PITPNM2: variants seen among roughly 807,000 people sequenced by gnomAD.
The protein encoded by PITPNM2 is phosphatidylinositol transfer protein membrane associated 2.
A neutral mutation model predicts 132.2 loss-of-function variants in PITPNM2; 35 were observed. The ratio of observed to expected loss-of-function variants is 0.26; its 90% CI spans 0.20 to 0.35. The LOEUF (loss-of-function observed/expected upper bound fraction) is 0.35. PITPNM2 is among the 10% of genes least tolerant of loss of function. The pLI, the probability that PITPNM2 is intolerant of heterozygous loss-of-function variation, is 1.00. For synonymous variants in PITPNM2, 738 were observed against 799.2 expected (o/e 0.92, Z 1.29); for missense variants, 1,332 against 1,912.0 (o/e 0.70, Z 5.66).
intron 5 of PITPNM2, 75 bp from the exon 6 acceptor site, chr12:123,010,152 C>T (rs775654690): frequency 2.4e-6 from 3 of 1,253,160 alleles, no homozygotes; most frequent in Non-Finnish European, 2.3e-6. Flanking sequence ...TGTTCCTCCA[C>T]CCCCAAATCC....
At chr12:123,011,698 G>C (rs916764439) in intron 5 of PITPNM2, among the ~76,000 whole-genome samples, 1 of 152,172 alleles carries the variant, frequency 6.6e-6, no homozygotes, top group Non-Finnish European at 1.5e-5. Context: ...ACCATGTGAC[G>C]AACGAGGCAG....
At chr12:123,018,293 C>CTTTTTTTTTTTTTT (rs3085478) in intron 3 of PITPNM2, among the ~76,000 whole-genome samples, 7 of 126,320 alleles carry the variant, frequency 5.5e-5, no homozygotes, top group African/African-American at 2.2e-4. Flanking sequence ...TTTTTCTTTT[C>CTTTTTTTTTTTTTT]TTTTTTTTTT....
rs117291448 is a variant in PITPNM2 at position 122,985,928 on chromosome 12, C to T, written c.*99G>A. On this transcript the variant is annotated 3_prime_UTR_variant, in exon 26 of 26. Transcript: ENST00000320201. ...CTCCACAAGGCCCTGGGACAATCTCCCAGGCCCACGTCAGTGCGTGTGCCC... is the reference window on the plus strand; with the variant it reads ...CTCCACAAGGCCCTGGGACAATCTCTCAGGCCCACGTCAGTGCGTGTGCCC... The T allele has an allele frequency of 6.1e-4, 704 of 1,151,684 alleles. 7 individuals carry two copies. The East Asian group carries it at 0.022, about 35-fold the overall frequency. The allele number at this position is 1,151,684 out of a possible 1,614,324, so 71.3% of individuals were successfully genotyped here.
At chr12:122,998,662 C>T (rs1182987061) in intron 10 of PITPNM2, among the ~76,000 whole-genome samples, 1 of 152,106 alleles carries the variant, frequency 6.6e-6, no homozygotes, top group South Asian at 2.1e-4. Flanking sequence ...CTCCAAGAAC[C>T]CGAGGAGACA....
At chr12:123,069,586 C>T (rs1227993778) in intron 2 of PITPNM2, among the ~76,000 whole-genome samples, 1 of 152,180 alleles carries the variant, frequency 6.6e-6, no homozygotes, top group Non-Finnish European at 1.5e-5. Flanking sequence ...GAAGCTTCCT[C>T]GCCTTCCAGG....
rs369715986 is a variant in PITPNM2 at position 123,128,820 on chromosome 12, T to C, written c.-199-18332A>G. On this transcript the variant is annotated intron_variant, in intron 1 of 25. Transcript: ENST00000320201. ...TCTTTATCATGTTGAAATATTTGCC[T>C]ATCCCTCAGTCTCTACGTTTTTAAG... Among the ~76,000 whole-genome samples, 14 of 151,914 alleles carry C rather than the reference T, an allele frequency of 9.2e-5. No individual in the cohort carries two copies. In the East Asian group the frequency reaches 2.7e-3, roughly 29 times the overall value.
At position 123,055,451 on chromosome 12, in the gene PITPNM2, C is replaced by T. The variant is rs559643899; in HGVS notation, c.-95-20766G>A. Among the ~76,000 whole-genome samples, 563 of 152,336 alleles carry T rather than the reference C, an allele frequency of 3.7e-3. 4 individuals are homozygous for T. The highest frequency in any genetic ancestry group is 0.013 in the African/African-American group (530 of 41,574). On this transcript the variant is annotated intron_variant, in intron 2 of 25. Coordinates refer to ENST00000320201, the MANE Select transcript of PITPNM2 (RefSeq NM_020845.3). Reference sequence around the variant, plus strand: ...TTCTCCCGTCTAAGGAAGCAGTATACGCCACCAGCTCAGCCTGCCCAGCGT... The same window carrying T: ...TTCTCCCGTCTAAGGAAGCAGTATATGCCACCAGCTCAGCCTGCCCAGCGT...
Position 122,999,126 on chromosome 12 carries a change from A to G in PITPNM2, c.1225-1554T>C, listed in dbSNP as rs558359650. On this transcript the variant is annotated intron_variant, in intron 10 of 25. Transcript: ENST00000320201. ...ACCCTGTCTCCAAAAAAAAAAAAAAAAAGTGGGCACCAGGAAGGGCAAGGG... is the reference window on the plus strand; with the variant it reads ...ACCCTGTCTCCAAAAAAAAAAAAAAGAAGTGGGCACCAGGAAGGGCAAGGG... Among the ~76,000 whole-genome samples, 76 of 151,966 alleles carry G rather than the reference A, an allele frequency of 5.0e-4. No homozygotes were observed. In the East Asian group the frequency reaches 7.5e-3, roughly 15 times the overall value.
intron 3 of PITPNM2, among the ~76,000 whole-genome samples, chr12:123,017,315 T>C (rs1277505744): frequency 2.0e-5 from 3 of 150,066 alleles, no homozygotes; most frequent in Admixed American, 6.7e-5. Flanking sequence ...GAGGTCACAG[T>C]GAGCCGAGAT....
At chr12:123,021,209 C>A (rs2039658896) in intron 3 of PITPNM2, among the ~76,000 whole-genome samples, 1 of 152,180 alleles carries the variant, frequency 6.6e-6, no homozygotes, top group South Asian at 2.1e-4. Context: ...TGTGCCCAAA[C>A]ATGTCCTGTG....
At chr12:123,043,300 A>G (rs2040553307) in intron 2 of PITPNM2, among the ~76,000 whole-genome samples, 1 of 152,078 alleles carries the variant, frequency 6.6e-6, no homozygotes, top group African/African-American at 2.4e-5. Context: ...GTGACACAGA[A>G]AGAGCTTCAG....
At chr12:123,122,561 C>T (rs1222755724) in intron 1 of PITPNM2, among the ~76,000 whole-genome samples, 4 of 152,148 alleles carry the variant, frequency 2.6e-5, no homozygotes, top group Non-Finnish European at 5.9e-5. Flanking sequence ...CTGAGCTCCC[C>T]CAAAAACATA....
At chr12:123,034,759 G>GTAAAGAATT (rs2040212929) in intron 2 of PITPNM2, 74 bp from the exon 3 acceptor site, 1 of 621,314 alleles carries the variant, frequency 1.6e-6, no homozygotes, top group Non-Finnish European at 2.9e-6. Context: ...ACAGAGGAAA[G>GTAAAGAATT]GCCCGGTCTA....
At chr12:123,081,845 A>C (rs1476237053) in intron 2 of PITPNM2, 2 of 152,198 alleles carry the variant, frequency 1.3e-5, no homozygotes, top group Non-Finnish European at 2.9e-5. Flanking sequence ...AAGACTGAGC[A>C]AGCCACCCCT....
rs2038291549 is a variant in PITPNM2, at chr12:122,993,563, C to T, written c.2234-894G>A. Among the ~76,000 whole-genome samples, 1 of 152,268 alleles carries T rather than the reference C, an allele frequency of 6.6e-6. No homozygotes were observed. Among genetic ancestry groups the T allele is most frequent in the Non-Finnish European group, 1.5e-5 (1 of 68,050 alleles). On this transcript the variant is annotated intron_variant, in intron 15 of 25. Coordinates refer to ENST00000320201, the MANE Select transcript of PITPNM2 (RefSeq NM_020845.3). The surrounding 1 kb of genome is among the most constrained non-coding windows in gnomAD (Gnocchi z 5.2). Reference sequence around the variant, plus strand: ...TTTTTCAGTGGAGGCGGGTACTCCACTGTGTGGTTGTGCCAGAATTTATTT... The same window carrying T: ...TTTTTCAGTGGAGGCGGGTACTCCATTGTGTGGTTGTGCCAGAATTTATTT...
chr12:123,053,373 G>A (rs932119151), intron 2 of PITPNM2, among the ~76,000 whole-genome samples: 24 of 151,948 alleles, frequency 1.6e-4, no homozygotes, highest in Admixed American at 5.2e-4. Context: ...AAACACAGTC[G>A]CTTAAAATTT....
intron 1 of PITPNM2, among the ~76,000 whole-genome samples, chr12:123,110,800 G>A (rs1240888771): frequency 6.6e-6 from 1 of 152,178 alleles, no homozygotes; most frequent in Admixed American, 6.5e-5. Context: ...AAGGCCCCTG[G>A]AGCTCTGTCT....
At chr12:123,030,265 T>C (rs928861869) in intron 3 of PITPNM2, among the ~76,000 whole-genome samples, 1 of 152,200 alleles carries the variant, frequency 6.6e-6, no homozygotes, top group African/African-American at 2.4e-5. Flanking sequence ...GGAAACTTCA[T>C]ACATTCCCAG....
At chr12:123,126,104 TGTGA>T (rs2137494468) in intron 1 of PITPNM2, among the ~76,000 whole-genome samples, 1 of 151,748 alleles carries the variant, frequency 6.6e-6, no homozygotes, top group Admixed American at 6.6e-5. Context: ...CTTCTGACCT[TGTGA>T]TCCGCCTGCC....
Sources: gnomAD v4.1 joint callset for allele counts (sites outside exome capture counted in the v4.1 genomes callset) on GRCh38, gnomAD v4.1.1 for gene constraint, Gnocchi (gnomAD v3.1) non-coding constraint, MANE v1.5 for transcripts, NCBI Gene and HGNC (gene_info 2026-07-23, HGNC 2026-07-21) for gene names.